The following FCHSD2 variants were observed in gnomAD, a reference collection of about 807,000 sequenced individuals.
FCHSD2 encodes the protein F-BAR and double SH3 domains protein 2.
FCHSD2 carries 38 observed loss-of-function variants against 108.1 expected under a neutral mutation model. The observed-to-expected ratio is 0.35, with a 90% CI of 0.27 to 0.46. The LOEUF is 0.46. Ranked by LOEUF, FCHSD2 falls within the 20% of genes least tolerant of loss-of-function variation. The probability of loss-of-function intolerance (pLI) is 1.00; values close to 1 mark genes in which losing one functional copy is unlikely to be tolerated. For synonymous variants in FCHSD2, 279 were observed against 314.7 expected (o/e 0.89, Z 1.20); for missense variants, 751 against 897.8 (o/e 0.84, Z 2.09).
At chr11:72,960,740 G>T (rs535130383) in intron 8 of FCHSD2, among the ~76,000 whole-genome samples, 2 of 152,286 alleles carry the variant, frequency 1.3e-5, no homozygotes, top group African/African-American at 4.8e-5. Flanking sequence ...AGTTGATGTG[G>T]AGAAAGGGTA....
intron 10 of FCHSD2, among the ~76,000 whole-genome samples, chr11:72,892,291 G>A (rs771643986): frequency 6.6e-6 from 1 of 152,114 alleles, no homozygotes; most frequent in Non-Finnish European, 1.5e-5. Context: ...CTAAGACTTG[G>A]GAGTCCAATG....
At chr11:72,994,436 T>G (rs140968315) in intron 5 of FCHSD2, among the ~76,000 whole-genome samples, 1 of 152,124 alleles carries the variant, frequency 6.6e-6, no homozygotes, top group African/African-American at 2.4e-5. Flanking sequence ...AGTGATCCCA[T>G]TAAGATGAGA....
chr11:73,104,701 T>C (rs1284547388), intron 2 of FCHSD2, among the ~76,000 whole-genome samples: 1 of 152,124 alleles, frequency 6.6e-6, no homozygotes, highest in Non-Finnish European at 1.5e-5. Flanking sequence ...CCCAAGTAGC[T>C]GGGACCACAG....
At chr11:72,953,331 C>A (rs1031055971) in intron 8 of FCHSD2, among the ~76,000 whole-genome samples, 12 of 152,132 alleles carry the variant, frequency 7.9e-5, no homozygotes, top group African/African-American at 2.9e-4. Context: ...ATTCCTTTTT[C>A]ACAATTTCTT....
At chr11:72,927,999 T>C (rs1856111118) in intron 8 of FCHSD2, among the ~76,000 whole-genome samples, 1 of 152,208 alleles carries the variant, frequency 6.6e-6, no homozygotes, top group Admixed American at 6.5e-5. Flanking sequence ...TTAGGGAAAG[T>C]GGGAGTACCA....
chr11:72,854,338 T>G (rs544786891), intron 13 of FCHSD2, among the ~76,000 whole-genome samples: 1 of 152,326 alleles, frequency 6.6e-6, no homozygotes, highest in South Asian at 2.1e-4. Context: ...CATTGAGAGA[T>G]GAATGGATAA....
chr11:72,893,886 T>C (rs574639068), intron 10 of FCHSD2, among the ~76,000 whole-genome samples: 1 of 152,356 alleles, frequency 6.6e-6, no homozygotes, highest in African/African-American at 2.4e-5. Flanking sequence ...TATTAGTCTT[T>C]AAGTCATCTT....
intron 8 of FCHSD2, chr11:72,940,665 G>T: frequency 8.0e-7 from 1 of 1,254,538 alleles, no homozygotes; most frequent in Non-Finnish European, 1.2e-6. Context: ...GCAAGGCCAA[G>T]CAAGGTTACA....
At chr11:73,124,624 C>T (rs1008758647) in intron 2 of FCHSD2, among the ~76,000 whole-genome samples, 3 of 151,976 alleles carry the variant, frequency 2.0e-5, no homozygotes, top group African/African-American at 7.3e-5. Flanking sequence ...GGCATGATGG[C>T]GTGTGCCTCT....
chr11:73,045,807 T>C (rs966931055), intron 3 of FCHSD2, among the ~76,000 whole-genome samples: 1 of 151,882 alleles, frequency 6.6e-6, no homozygotes, highest in Non-Finnish European at 1.5e-5. Context: ...TTGGGAGATA[T>C]ACCTAATGCT....
intron 5 of FCHSD2, among the ~76,000 whole-genome samples, 169 bp downstream of exon 5, chr11:73,000,821 A>G (rs1857611613): frequency 6.6e-6 from 1 of 152,200 alleles, no homozygotes; most frequent in Non-Finnish European, 1.5e-5. Flanking sequence ...GCAGTTAATA[A>G]AACATAGTAC....
chr11:73,037,883 T>C (rs1858537088), intron 3 of FCHSD2, among the ~76,000 whole-genome samples: 1 of 152,222 alleles, frequency 6.6e-6, no homozygotes, highest in Admixed American at 6.5e-5. Context: ...TTCTCTGGGA[T>C]ATCCAGAGCA....
At chr11:73,070,548 T>G (rs1460782493) in intron 3 of FCHSD2, among the ~76,000 whole-genome samples, 1 of 152,056 alleles carries the variant, frequency 6.6e-6, no homozygotes, top group African/African-American at 2.4e-5. Context: ...CTCAGCCTCC[T>G]GAGTAGCTGG....
chr11:73,057,478 C>A (rs992534950), intron 3 of FCHSD2, among the ~76,000 whole-genome samples: 1 of 152,206 alleles, frequency 6.6e-6, no homozygotes, highest in Middle Eastern at 3.4e-3. Context: ...CAGAGGTAGG[C>A]CTTCTCCAGA....
chr11:73,037,666 C>T (rs573217959), intron 3 of FCHSD2, among the ~76,000 whole-genome samples: 2 of 152,250 alleles, frequency 1.3e-5, no homozygotes, highest in South Asian at 4.1e-4. Flanking sequence ...ATGAATGTGG[C>T]CATTTAATCA....
intron 12 of FCHSD2, among the ~76,000 whole-genome samples, chr11:72,882,553 T>C (rs1200571720): frequency 6.6e-6 from 1 of 152,178 alleles, no homozygotes. Flanking sequence ...GTTCTAAATA[T>C]AAAGAAATTA....
chr11:72,918,496 T>C (rs995446191), intron 9 of FCHSD2, among the ~76,000 whole-genome samples: 22 of 152,188 alleles, frequency 1.4e-4, no homozygotes. Flanking sequence ...TCTTTCATTA[T>C]TGAATATGAC....
At chr11:72,913,502 C>G (rs1855806162) in intron 9 of FCHSD2, among the ~76,000 whole-genome samples, 1 of 152,162 alleles carries the variant, frequency 6.6e-6, no homozygotes, top group Non-Finnish European at 1.5e-5. Flanking sequence ...CTCCTGGCCT[C>G]AAGTGATCCA....
At chr11:73,002,454 T>C (rs773264356) in intron 4 of FCHSD2, among the ~76,000 whole-genome samples, 1 of 152,160 alleles carries the variant, frequency 6.6e-6, no homozygotes, top group Non-Finnish European at 1.5e-5. Flanking sequence ...TGACAACCAA[T>C]GGAACTTGCA....
Sources: gnomAD v4.1 joint callset for allele counts (sites outside exome capture counted in the v4.1 genomes callset) on GRCh38, gnomAD v4.1.1 for gene constraint, MANE v1.5 for transcripts, NCBI Gene and HGNC (gene_info 2026-07-23, HGNC 2026-07-21) for gene names.